The following RP1 variants were observed in gnomAD, a reference collection of about 807,000 sequenced individuals.
RP1 encodes the protein oxygen-regulated protein 1.
A neutral mutation model predicts 14.8 loss-of-function variants in RP1; 16 were observed. The ratio of observed to expected loss-of-function variants is 1.08; its 90% CI spans 0.73 to 1.65. The LOEUF is 1.65. Among genes scored for constraint, RP1 ranks in the 40% most tolerant of loss-of-function variants. The pLI is 0.00. For synonymous variants in RP1, 876 were observed against 883.6 expected, an observed-to-expected ratio of 0.99 and a Z score of 0.15; for missense variants, 2,631 against 2,535.0, an observed-to-expected ratio of 1.04 and a Z score of -0.81.
rs368074316 is a variant in RP1 at position 54,627,523 on chromosome 8, C to T, written c.3641C>T (p.Thr1214Met). 30 of 1,613,998 alleles carry T rather than the reference C, an allele frequency of 1.9e-5. No individual in the cohort carries two copies. Among genetic ancestry groups the T allele is most frequent in the Middle Eastern group, 1.6e-4 (1 of 6,084 alleles). Residue 1214 changes from threonine (T) to methionine (M), a missense_variant, in exon 4 of 4, where the codon ACG becomes ATG. Physicochemically the swap from Thr to Met is moderately conservative, Grantham distance 81 (BLOSUM62 -1). Transcript: ENST00000220676. ...ATAGATCTTTCTGCAAATTGTTCCA[C>T]GGTCAACATTCAGAGTGTTCCTAAG... ...VPIDLSANCS[T>M]VNIQSVPKCS...
At position 54,621,115 on chromosome 8, in the gene RP1, GGGTC is replaced by G. The variant is rs1320920261; in HGVS notation, c.150_153del (p.Val51GlyfsTer29). On this transcript the variant is annotated frameshift_variant, in exon 2 of 4. Coordinates refer to ENST00000220676, the MANE Select transcript of RP1 (RefSeq NM_006269.2). LOFTEE classifies it high-confidence loss of function. ...AAGAGCGGAGACCCCCAATTCGGCGGGGTCAGGGTGGTGGTCAACCCTCGCTCCT... is the reference window on the plus strand; with the variant it reads ...AAGAGCGGAGACCCCCAATTCGGCGGAGGGTGGTGGTCAACCCTCGCTCCT... The G allele has an allele frequency of 6.2e-7, 1 of 1,614,148 alleles. No individual in the cohort carries two copies. The highest frequency in any genetic ancestry group is 1.7e-5 in the Admixed American group (1 of 60,016).
At chr8:54,562,566 C>G (rs4481575) in intron 1 of RP1, among the ~76,000 whole-genome samples, 43,209 of 151,564 alleles carry the variant, frequency 0.29, 7,369 homozygotes, top group Non-Finnish European at 0.39. Context: ...CCCAGCTACT[C>G]AGGAGGCCGA....
downstream of RP1, among the ~76,000 whole-genome samples, chr8:54,633,710 CCTCTCTCTCT>C (rs3077384): frequency 8.4e-6 from 1 of 118,532 alleles, no homozygotes; most frequent in East Asian, 2.6e-4. Context: ...TTATTTTGTG[CCTCTCTCTCT>C]CTCTCTCTCT....
chr8:54,694,921 A>T (rs889978121), intron 12 of RP1, among the ~76,000 whole-genome samples: 5 of 151,866 alleles, frequency 3.3e-5, no homozygotes, highest in African/African-American at 1.2e-4. Flanking sequence ...TAGGATGTCA[A>T]TTTTGGATCT....
At chr8:54,580,497 G>A (rs1337316151) in intron 1 of RP1, among the ~76,000 whole-genome samples, 2 of 150,164 alleles carry the variant, frequency 1.3e-5, no homozygotes, top group Non-Finnish European at 3.0e-5. Flanking sequence ...AGTAGAGATG[G>A]GGTTTCACCA....
chr8:54,585,988 C>T (rs2129298777), intron 1 of RP1, among the ~76,000 whole-genome samples: 2 of 152,358 alleles, frequency 1.3e-5, no homozygotes, highest in East Asian at 3.9e-4. Context: ...AAGCCTTCTT[C>T]TCTCAACTCG....
intron 25 of RP1, among the ~76,000 whole-genome samples, chr8:54,842,282 A>G (rs1355233048): frequency 1.3e-5 from 2 of 152,220 alleles, no homozygotes; most frequent in Non-Finnish European, 2.9e-5. Flanking sequence ...GCAAGTGGCC[A>G]GGTTTTCTGA....
At chr8:54,586,946 G>A (rs1300250326) in intron 1 of RP1, among the ~76,000 whole-genome samples, 2 of 152,196 alleles carry the variant, frequency 1.3e-5, no homozygotes, top group Non-Finnish European at 1.5e-5. Flanking sequence ...CGCTTCCTGG[G>A]TGAGGCAATG....
chr8:54,869,237 C>T (rs1812524604), intron 28 of RP1, among the ~76,000 whole-genome samples: 1 of 151,998 alleles, frequency 6.6e-6, no homozygotes, highest in East Asian at 1.9e-4. Context: ...CACATGGGAG[C>T]CACAAGCCAC....
chr8:54,628,150 G>T lies in RP1; in HGVS notation c.4268G>T (p.Cys1423Phe), dbSNP rs752205338. 2.5e-6 allele frequency: 4 copies of T among 1,613,956 alleles called. No individual in the cohort carries two copies. The highest frequency in any genetic ancestry group is 3.4e-6 in the Non-Finnish European group (4 of 1,179,914). The change falls in exon 4 of 4, where the codon TGT becomes TTT. Residue 1423 changes from cysteine (C) to phenylalanine (F), a missense_variant. Physicochemically the swap from Cys to Phe is radical, Grantham distance 205. Coordinates refer to ENST00000220676, the MANE Select transcript of RP1 (RefSeq NM_006269.2). ...KHSSLDDFEN[C>F]SLRKFQDENA... Reference sequence around the variant, plus strand: ...AGTTCTCTAGATGATTTTGAAAATTGTTCACTAAGGAAGTTTCAGGATGAA... The same window carrying T: ...AGTTCTCTAGATGATTTTGAAAATTTTTCACTAAGGAAGTTTCAGGATGAA...
intron 6 of RP1, among the ~76,000 whole-genome samples, chr8:54,660,647 A>G (rs531038300): frequency 2.6e-5 from 4 of 151,062 alleles, no homozygotes; most frequent in African/African-American, 9.7e-5. Context: ...GGGTGCAGGA[A>G]CCTCTTAGGT....
exon 29 of RP1, chr8:54,869,873 G>C (rs1464019040): frequency 1.6e-6 from 2 of 1,231,516 alleles, no homozygotes; most frequent in Non-Finnish European, 2.0e-6. Flanking sequence ...ATGATGGCAA[G>C]ACCCAGCGGG....
intron 7 of RP1, among the ~76,000 whole-genome samples, chr8:54,673,347 G>A (rs557977973): frequency 3.9e-5 from 6 of 152,030 alleles, no homozygotes; most frequent in African/African-American, 1.2e-4. Context: ...TGACTTTATC[G>A]GAAGTATTCT....
At chr8:54,575,605 T>C (rs1366964842) in intron 1 of RP1, among the ~76,000 whole-genome samples, 1 of 152,212 alleles carries the variant, frequency 6.6e-6, no homozygotes, top group Admixed American at 6.5e-5. Context: ...TCACCTCGTT[T>C]GCTATCAAAT....
chr8:54,859,376 T>A (rs756663364), intron 27 of RP1, among the ~76,000 whole-genome samples: 1 of 147,882 alleles, frequency 6.8e-6, no homozygotes, highest in Non-Finnish European at 1.5e-5. Flanking sequence ...TGTGGAGCAT[T>A]GTCACTATGG....
chr8:54,820,918 G>T (rs966437650), intron 24 of RP1, among the ~76,000 whole-genome samples: 1 of 152,126 alleles, frequency 6.6e-6, no homozygotes. Context: ...CCAGGAATCC[G>T]CAGGAGGATC....
intron 6 of RP1, among the ~76,000 whole-genome samples, chr8:54,656,671 A>G (rs1423588531): frequency 6.6e-6 from 1 of 151,364 alleles, no homozygotes; most frequent in African/African-American, 2.4e-5. Flanking sequence ...GCCTTGTGTA[A>G]ATTTATGGCT....
upstream of RP1, among the ~76,000 whole-genome samples, chr8:54,615,310 G>A (rs1035277786): frequency 3.9e-5 from 6 of 152,244 alleles, no homozygotes; most frequent in South Asian, 8.3e-4. Context: ...ACATTGTGGC[G>A]CACATGCTTG....
intron 24 of RP1, among the ~76,000 whole-genome samples, chr8:54,805,432 A>G (rs74429624): frequency 0.029 from 4,370 of 152,304 alleles, 122 homozygotes; most frequent in African/African-American, 0.064. Flanking sequence ...TGTCCACAGA[A>G]ATAGATACCA....
Sources: allele counts gnomAD v4.1 joint callset (sites outside exome capture counted in the v4.1 genomes callset), GRCh38; gene constraint gnomAD v4.1.1; transcripts MANE v1.5; gene names NCBI Gene and HGNC (gene_info 2026-07-23, HGNC 2026-07-21).